The following PPP2R2C variants were observed in gnomAD, a reference collection of about 807,000 sequenced individuals.
The protein encoded by PPP2R2C is protein phosphatase 2 regulatory subunit Bgamma, also known as protein phosphatase 2, regulatory subunit B, gamma.
In PPP2R2C, 10 loss-of-function variants were observed where a neutral mutation model predicts 45.3. The ratio of observed to expected loss-of-function variants is 0.22; its 90% confidence interval spans 0.14 to 0.37. PPP2R2C has a LOEUF of 0.37. Ranked by LOEUF, PPP2R2C falls within the 10% of genes least tolerant of loss-of-function variation. The pLI is 1.00. For missense variants in PPP2R2C, 308 were observed against 619.7 expected (o/e 0.50, Z 5.34); for synonymous variants, 257 against 245.4 (o/e 1.05, Z -0.44).
chr4:6,481,248 C>A (rs1266380100), intron 2 of PPP2R2C, among the ~76,000 whole-genome samples: 1 of 152,216 alleles, frequency 6.6e-6, no homozygotes, highest in Non-Finnish European at 1.5e-5. Flanking sequence ...TACTTGTCTA[C>A]CCGCTGAGTT....
At chr4:6,514,909 C>T (rs1384267733) in intron 2 of PPP2R2C, among the ~76,000 whole-genome samples, 1 of 152,154 alleles carries the variant, frequency 6.6e-6, no homozygotes, top group Non-Finnish European at 1.5e-5. Flanking sequence ...TGGCTTGTAG[C>T]TGCATCACTA....
At chr4:6,503,582 G>C (rs930764011) in intron 2 of PPP2R2C, among the ~76,000 whole-genome samples, 1 of 152,104 alleles carries the variant, frequency 6.6e-6, no homozygotes, top group Non-Finnish European at 1.5e-5. Flanking sequence ...AGGCTCATGG[G>C]AGACCCCATA....
intron 2 of PPP2R2C, among the ~76,000 whole-genome samples, chr4:6,498,151 A>G (rs1722931877): frequency 6.6e-6 from 1 of 152,250 alleles, no homozygotes; most frequent in South Asian, 2.1e-4. Context: ...ACAGCCATAG[A>G]AATTAGCACA....
rs573248170 is a variant in PPP2R2C, at chr4:6,421,465, T to C, written c.71-40371A>G. Among the ~76,000 whole-genome samples the C allele has an allele frequency of 5.9e-5, 9 of 152,208 alleles. No homozygotes were observed. In the South Asian group the frequency reaches 1.9e-3, roughly 32 times the overall value. On this transcript the variant is annotated intron_variant, in intron 1 of 8. Coordinates refer to ENST00000382599, the MANE Select transcript of PPP2R2C (RefSeq NM_020416.4). ...GCACCCCAAGTGACACCTAAGTGTT[T>C]GATAAGTGTTTGTGGATTACCCGGA... is the stretch of plus-strand genomic sequence containing the variant.
At chr4:6,493,636 C>G (rs1722781594) in intron 2 of PPP2R2C, among the ~76,000 whole-genome samples, 1 of 151,662 alleles carries the variant, frequency 6.6e-6, no homozygotes, top group Admixed American at 6.6e-5. Context: ...CAGTGCCTTC[C>G]TGAAGGAGAA....
chr4:6,452,272 G>A (rs1441945646), intron 1 of PPP2R2C, among the ~76,000 whole-genome samples: 1 of 152,170 alleles, frequency 6.6e-6, no homozygotes, highest in Admixed American at 6.5e-5. Flanking sequence ...ATCAGCTCCA[G>A]ATCCTGTGAA....
intron 2 of PPP2R2C, among the ~76,000 whole-genome samples, chr4:6,379,001 C>T (rs149816145): frequency 1.3e-4 from 20 of 150,740 alleles, no homozygotes; most frequent in East Asian, 1.0e-3. Context: ...CGGCGAGCAC[C>T]CCTCTGCCGA....
At chr4:6,562,186 G>A (rs997566462) in intron 1 of PPP2R2C, among the ~76,000 whole-genome samples, 11 of 152,150 alleles carry the variant, frequency 7.2e-5, no homozygotes, top group Non-Finnish European at 1.5e-4. Flanking sequence ...ATGAGACTGA[G>A]GAGGCAGCTG....
intron 2 of PPP2R2C, among the ~76,000 whole-genome samples, chr4:6,510,593 C>T (rs867249045): frequency 1.1e-4 from 16 of 152,178 alleles, no homozygotes; most frequent in Non-Finnish European, 1.9e-4. Context: ...CACATACACA[C>T]GCACGCACAC....
chr4:6,545,571 G>T (rs764894580), intron 1 of PPP2R2C, among the ~76,000 whole-genome samples: 1 of 152,214 alleles, frequency 6.6e-6, no homozygotes, highest in African/African-American at 2.4e-5. Context: ...ACAAGGTCAG[G>T]GGGCCTGGTT....
intron 1 of PPP2R2C, among the ~76,000 whole-genome samples, chr4:6,395,430 G>T (rs1427833231): frequency 6.6e-6 from 1 of 152,198 alleles, no homozygotes; most frequent in African/African-American, 2.4e-5. Flanking sequence ...TGGGTATGCA[G>T]CAAGGACCAC....
intron 2 of PPP2R2C, chr4:6,535,159 TG>T: frequency 8.1e-7 from 1 of 1,237,356 alleles, no homozygotes. Flanking sequence ...CCCAGCACGG[TG>T]GGGTCGGCTT....
intron 4 of PPP2R2C, among the ~76,000 whole-genome samples, chr4:6,374,585 T>C (rs1005454638): frequency 2.0e-5 from 3 of 152,210 alleles, no homozygotes; most frequent in African/African-American, 7.2e-5. Context: ...AGTAGGGTTT[T>C]ATGGGATGTA....
At chr4:6,488,887 C>T (rs943907352) in intron 2 of PPP2R2C, among the ~76,000 whole-genome samples, 4 of 152,158 alleles carry the variant, frequency 2.6e-5, no homozygotes, top group Non-Finnish European at 4.4e-5. Context: ...TGACTGTGTG[C>T]GTGCTCTAAG....
At chr4:6,518,220 G>T (rs1723887418) in intron 2 of PPP2R2C, among the ~76,000 whole-genome samples, 1 of 152,072 alleles carries the variant, frequency 6.6e-6, no homozygotes, top group Middle Eastern at 3.2e-3. Flanking sequence ...CTAAAATCAA[G>T]CACCTAAGCT....
chr4:6,425,864 G>T (rs1225849574), intron 1 of PPP2R2C, among the ~76,000 whole-genome samples: 1 of 151,778 alleles, frequency 6.6e-6, no homozygotes, highest in Non-Finnish European at 1.5e-5. Flanking sequence ...TGTATGTGTG[G>T]GGTGTGTGTG....
At chr4:6,395,230 T>C (rs1716943012) in intron 1 of PPP2R2C, among the ~76,000 whole-genome samples, 1 of 152,116 alleles carries the variant, frequency 6.6e-6, no homozygotes, top group African/African-American at 2.4e-5. Context: ...CGCTCTCCAC[T>C]CCTAACACTG....
chr4:6,521,506 C>T (rs1560600624), intron 2 of PPP2R2C, among the ~76,000 whole-genome samples: 1 of 152,230 alleles, frequency 6.6e-6, no homozygotes. Flanking sequence ...CACACAGTGG[C>T]TTCCTCCCAG....
rs542556494 is a variant in PPP2R2C, at chr4:6,453,833, T to C, written c.70+18327A>G. 3.3e-4 allele frequency among the ~76,000 whole-genome samples: 50 copies of C among 152,210 alleles called. 1 individual carries two copies. In the Middle Eastern group the frequency reaches 0.014, roughly 41 times the overall value. On this transcript the variant is annotated intron_variant, in intron 1 of 8. Transcript: ENST00000382599. ...AGCACAGCCCCACCGAGGGCCACGT[T>C]GGCTGATGTGGGCACCTGCAAGCCT...
Sources: allele counts gnomAD v4.1 joint callset (sites outside exome capture counted in the v4.1 genomes callset), GRCh38; gene constraint gnomAD v4.1.1; transcripts MANE v1.5; gene names NCBI Gene and HGNC (gene_info 2026-07-23, HGNC 2026-07-21).